Variants in SLC26A11 observed in about 807,000 individuals in gnomAD.
SLC26A11 encodes the protein sodium-independent sulfate anion transporter.
In SLC26A11, 58 loss-of-function variants were observed where a neutral mutation model predicts 62.2. The ratio of observed to expected loss-of-function variants is 0.93; its 90% CI spans 0.76 to 1.16. SLC26A11 has a LOEUF of 1.16. Among genes scored for constraint, SLC26A11 ranks in the 50% most tolerant of loss-of-function variants. The pLI, the probability that SLC26A11 is intolerant of heterozygous loss-of-function variation, is 0.00. For synonymous variants in SLC26A11, 411 were observed against 368.9 expected (o/e 1.11, Z -1.31); for missense variants, 790 against 794.3 (o/e 0.99, Z 0.06).
rs1277414598 is a variant in SLC26A11 at position 80,252,173 on chromosome 17, C to A, written c.1730-452C>A. On this transcript the variant is annotated intron_variant, in intron 17 of 17. Transcript: ENST00000361193. The surrounding 1 kb of genome is among the most constrained non-coding windows in gnomAD (Gnocchi z 5.2). ...AGAGCATCCACCCCAGGCCACACAG[C>A]AGTGGCCAGAGGGTCCCAGGCCCCA... 2.6e-5 allele frequency among the ~76,000 whole-genome samples: 4 copies of A among 152,226 alleles called. No individual in the cohort carries two copies. Among genetic ancestry groups the A allele is most frequent in the Non-Finnish European group, 4.4e-5 (3 of 68,048 alleles).
chr17:80,249,307 C>T lies in SLC26A11; in HGVS notation c.1656+20C>T. 1 of 1,606,476 alleles carries T rather than the reference C, an allele frequency of 6.2e-7. No individual in the cohort carries two copies. Among genetic ancestry groups the T allele is most frequent in the Non-Finnish European group, 8.5e-7 (1 of 1,179,726 alleles). On this transcript the variant is annotated intron_variant, in intron 16 of 17. Transcript: ENST00000361193. ...CTGCAGGTGGGTGTGCACTGGGCTG[C>T]CTTAGGGGTTAGCAGCTGCCGGAAG...
rs1237367714 is a variant in SLC26A11, at chr17:80,221,670, T to A, written c.110T>A (p.Leu37Gln). 1 of 1,613,258 alleles carries A rather than the reference T, an allele frequency of 6.2e-7. No individual in the cohort carries two copies. The highest frequency in any genetic ancestry group is 1.7e-5 in the Admixed American group (1 of 59,994). ...PAALQRRLPI[L>Q]AWLPSYSLQW... The stretch of plus-strand genomic sequence containing the variant: ...GCCCTGCAGAGGAGGCTGCCCATCC[T>A]GGCGTGGCTGCCCAGCTACTCCCTG... Residue 37 changes from leucine (L) to glutamine (Q), a missense_variant, in exon 3 of 18, where the codon CTG (leucine) becomes CAG (glutamine). Leu to Gln is a moderately radical substitution (Grantham distance 113, BLOSUM62 -2). Transcript: ENST00000361193.
chr17:80,226,881 C>T (rs1217710361), intron 6 of SLC26A11, among the ~76,000 whole-genome samples: 2 of 152,118 alleles, frequency 1.3e-5, no homozygotes, highest in African/African-American at 2.4e-5. Context: ...GGAGTGGGGG[C>T]GATCCTGGAC....
intron 6 of SLC26A11, among the ~76,000 whole-genome samples, chr17:80,226,990 A>T (rs549486186): frequency 1.3e-5 from 2 of 152,292 alleles, no homozygotes; most frequent in African/African-American, 2.4e-5. Context: ...ACCAGTGGGC[A>T]GGGGTCGGCC....
Position 80,222,106 on chromosome 17 carries a change from G to A in SLC26A11, c.234+312G>A, listed in dbSNP as rs1256516599. The A allele has an allele frequency of 9.3e-6, 3 of 321,784 alleles. No individual in the cohort carries two copies. Among genetic ancestry groups the A allele is most frequent in the African/African-American group, 4.3e-5 (2 of 46,098 alleles). 19.9% of individuals were successfully genotyped at this position (321,784 alleles called of 1,614,324 possible). Reference sequence around the variant, plus strand: ...AAATACAAAAATTAGGCTGGGTGCGGTGGCTCAAGCCTGTAATCCCAGCAC... The same window carrying A: ...AAATACAAAAATTAGGCTGGGTGCGATGGCTCAAGCCTGTAATCCCAGCAC... On this transcript the variant is annotated intron_variant, in intron 3 of 17. Coordinates refer to ENST00000361193, the MANE Select transcript of SLC26A11 (RefSeq NM_001166347.2). This position sits in a 1 kb window ranked among gnomAD's most constrained non-coding sequence, Gnocchi z 4.7.
At position 80,251,364 on chromosome 17, in the gene SLC26A11, G is replaced by C. The variant is rs1437571778; in HGVS notation, c.1692G>C (p.Leu564=). The change falls in exon 17 of 18, where the codon CTG becomes CTC. Residue 564 remains leucine (L), a synonymous_variant. Coordinates refer to ENST00000361193, the MANE Select transcript of SLC26A11 (RefSeq NM_001166347.2). The part of the protein sequence containing the change: ...PVLRVLLSAD[L]KGFQYFSTLE... The stretch of plus-strand genomic sequence containing the variant: ...TCCGTGTCCTGCTGTCCGCTGACCT[G>C]AAGGGGTTCCAGTACTTCTCTACCC... 6.2e-7 allele frequency: 1 copy of C among 1,614,134 alleles called. No homozygotes were observed. The highest frequency in any genetic ancestry group is 2.2e-5 in the East Asian group (1 of 44,884).
intron 10 of SLC26A11, among the ~76,000 whole-genome samples, chr17:80,243,394 C>CTTATTA (rs762787454): frequency 2.0e-5 from 3 of 151,694 alleles, no homozygotes; most frequent in East Asian, 3.9e-4. Context: ...CATTACTTTA[C>CTTATTA]TTATTATTAT....
intron 13 of SLC26A11, among the ~76,000 whole-genome samples, chr17:80,247,430 C>T (rs1299586436): frequency 2.6e-5 from 4 of 152,244 alleles, no homozygotes; most frequent in East Asian, 1.9e-4. Context: ...CGGGCAGAGG[C>T]GCCCCTCACC....
intron 6 of SLC26A11, among the ~76,000 whole-genome samples, chr17:80,226,272 C>G (rs1452251592): frequency 1.3e-5 from 2 of 152,296 alleles, no homozygotes; most frequent in East Asian, 3.9e-4. Flanking sequence ...GTGTCTCCCC[C>G]AGGCTGTGAT....
chr17:80,225,352 G>A (rs2042379940), intron 5 of SLC26A11, among the ~76,000 whole-genome samples: 1 of 152,246 alleles, frequency 6.6e-6, no homozygotes, highest in Admixed American at 6.5e-5. Flanking sequence ...ACACTACGAA[G>A]AGATTTTTCC....
Position 80,223,138 on chromosome 17 carries a change from C to T in SLC26A11, c.428-114C>T, listed in dbSNP as rs1012486125. On this transcript the variant is annotated intron_variant, in intron 4 of 17. Transcript: ENST00000361193. This position sits in a 1 kb window ranked among gnomAD's most constrained non-coding sequence, Gnocchi z 4.6. ...GTGTGTTACCCCCAGTCCTTAGCTGCGGTATCTGCTCCCCAATCCCACCCA... is the reference window on the plus strand; with the variant it reads ...GTGTGTTACCCCCAGTCCTTAGCTGTGGTATCTGCTCCCCAATCCCACCCA... 2.9e-5 allele frequency: 28 copies of T among 966,428 alleles called. No homozygotes were observed. In the Admixed American group the frequency reaches 3.3e-4, roughly 12 times the overall value. 59.9% of individuals were successfully genotyped at this position (966,428 alleles called of 1,614,324 possible).
In SLC26A11 at chr17:80,246,571, G is replaced by T. The variant is rs770300455; in HGVS notation, c.1216G>T (p.Ala406Ser). The change falls in exon 13 of 18, where the codon GCC becomes TCC. Residue 406 changes from alanine to serine, a missense_variant. Physicochemically the swap from Ala to Ser is moderately conservative, Grantham distance 99. Transcript: ENST00000361193. This position sits in a 1 kb window ranked among gnomAD's most constrained non-coding sequence, Gnocchi z 4.4. ...TSLFYYIPKS[A>S]LAAVIIMAVA... is the part of the protein sequence containing the mutation. ...ACTGTTCTACTACATCCCCAAGTCT[G>T]CCCTGGCTGCCGTCATCATCATGGC... The T allele has an allele frequency of 1.1e-5, 18 of 1,613,754 alleles. No homozygotes were observed. In the Admixed American group the frequency reaches 1.5e-4, roughly 13 times the overall value.
chr17:80,244,671 G>T (rs2042949124), intron 10 of SLC26A11, among the ~76,000 whole-genome samples: 1 of 152,128 alleles, frequency 6.6e-6, no homozygotes, highest in Non-Finnish European at 1.5e-5. Flanking sequence ...GCAAAACCCT[G>T]TCTCTACTAA....
Position 80,232,738 on chromosome 17 carries a change from G to GTT in SLC26A11, c.737-4188_737-4187dup, listed in dbSNP as rs1598809580. ...TCTACCATGTTGCTGTTTGTTTCCT[G>GTT]TTTGTCTCATTTGTTCTTTGTTCCC... is the stretch of plus-strand genomic sequence containing the variant. On this transcript the variant is annotated intron_variant, in intron 7 of 17. Transcript: ENST00000361193. 2.6e-5 allele frequency among the ~76,000 whole-genome samples: 4 copies of GTT among 152,170 alleles called. No individual in the cohort carries two copies. In the East Asian group the frequency reaches 7.7e-4, roughly 29 times the overall value.
At chr17:80,251,431 G>A in intron 17 of SLC26A11, 30 bp downstream of exon 17, 1 of 1,611,904 alleles carries the variant, frequency 6.2e-7, no homozygotes, top group South Asian at 1.1e-5. Flanking sequence ...CTGTGGCTTT[G>A]GTGATTTTGT....
intron 10 of SLC26A11, among the ~76,000 whole-genome samples, chr17:80,244,623 C>T (rs1052534930): frequency 2.0e-5 from 3 of 152,100 alleles, no homozygotes; most frequent in African/African-American, 7.2e-5. Context: ...GGATGGGTCA[C>T]CTGAGGTCAG....
In SLC26A11 at chr17:80,246,087, G is replaced by A; in HGVS notation, c.1098-67G>A. The A allele has an allele frequency of 6.4e-7, 1 of 1,562,570 alleles. No homozygotes were observed. Among genetic ancestry groups the A allele is most frequent in the South Asian group, 1.1e-5 (1 of 90,072 alleles). ...ACGTCCCCTCGGAAGATCAGCCACA[G>A]GAGTGTGGACTGAGGTCTCCCTTTT... On this transcript the variant is annotated intron_variant, in intron 11 of 17. Transcript: ENST00000361193. This position sits in a 1 kb window ranked among gnomAD's most constrained non-coding sequence, Gnocchi z 4.4.
chr17:80,240,868 T>C (rs1598827402), intron 9 of SLC26A11, among the ~76,000 whole-genome samples: 1 of 152,076 alleles, frequency 6.6e-6, no homozygotes, highest in East Asian at 1.9e-4. Context: ...CCCAACACGT[T>C]GGGAGGCCTA....
chr17:80,241,092 AAGATCC>A (rs1220861184), intron 9 of SLC26A11, among the ~76,000 whole-genome samples: 1 of 152,224 alleles, frequency 6.6e-6, no homozygotes, highest in African/African-American at 2.4e-5. Context: ...GTGGCAGAAC[AAGATCC>A]TGTACTATCT....
Sources: allele counts gnomAD v4.1 joint callset (sites outside exome capture counted in the v4.1 genomes callset), GRCh38; gene constraint gnomAD v4.1.1; non-coding constraint Gnocchi (gnomAD v3.1); transcripts MANE v1.5; gene names NCBI Gene and HGNC (gene_info 2026-07-23, HGNC 2026-07-21).